The following ZNF420 variants were observed in gnomAD, a reference collection of about 807,000 sequenced individuals.
ZNF420 encodes the protein ATM and p53-associated KZNF protein.
ZNF420 carries 31 observed loss-of-function variants against 44.7 expected under a neutral mutation model. The ratio of observed to expected loss-of-function variants is 0.69; its 90% CI spans 0.52 to 0.94. The LOEUF (loss-of-function observed/expected upper bound fraction) is 0.94, where lower values mean the gene tolerates loss of function less well. ZNF420 is among the 40% of genes least tolerant of loss of function. ZNF420 has a pLI of 0.00. For synonymous variants in ZNF420, 245 were observed against 267.4 expected (o/e 0.92, Z 0.82); for missense variants, 681 against 827.9 (o/e 0.82, Z 2.18).
intron 1 of ZNF420, among the ~76,000 whole-genome samples, chr19:37,012,768 G>A (rs1274558587): frequency 5.5e-5 from 1 of 18,310 alleles, no homozygotes; most frequent in Non-Finnish European, 1.2e-4. Context: ...ATATGTCTCT[G>A]TGTGTGTGTG....
chr19:37,025,289 C>T (rs1967133713), intron 1 of ZNF420: 1 of 245,878 alleles, frequency 4.1e-6, no homozygotes, highest in Admixed American at 4.2e-5. Context: ...TCCTTGTTTT[C>T]TGTAACATCT....
chr19:37,101,160 GT>G (rs1378365595), intron 4 of ZNF420, among the ~76,000 whole-genome samples: 1 of 152,042 alleles, frequency 6.6e-6, no homozygotes, highest in Non-Finnish European at 1.5e-5. Flanking sequence ...TGTTCTTGAT[GT>G]TTATGGACAC....
intron 1 of ZNF420, among the ~76,000 whole-genome samples, chr19:37,059,279 T>C (rs1193451559): frequency 6.6e-6 from 1 of 152,078 alleles, no homozygotes; most frequent in Non-Finnish European, 1.5e-5. Flanking sequence ...AGCAGGAGCT[T>C]CCCTGCCTTA....
At chr19:37,032,543 C>T (rs1434676617) in intron 1 of ZNF420, among the ~76,000 whole-genome samples, 2 of 148,394 alleles carry the variant, frequency 1.3e-5, no homozygotes, top group South Asian at 2.1e-4. Context: ...CCGTGGCTAA[C>T]GCCAGTAATC....
At chr19:37,012,199 GTCGCCTCTC>G (rs900319933) in intron 1 of ZNF420, among the ~76,000 whole-genome samples, 4 of 152,200 alleles carry the variant, frequency 2.6e-5, no homozygotes, top group Non-Finnish European at 5.9e-5. Context: ...GGCGCCCGCA[GTCGCCTCTC>G]TCAACGAAGC....
intron 1 of ZNF420, among the ~76,000 whole-genome samples, chr19:37,031,093 G>T (rs1240873813): frequency 6.6e-6 from 1 of 152,048 alleles, no homozygotes; most frequent in African/African-American, 2.4e-5. Context: ...GACCTCAGGT[G>T]ATCCACCCAC....
At chr19:37,111,775 C>T (rs1323465290) in intron 4 of ZNF420, 1 of 152,050 alleles carries the variant, frequency 6.6e-6, no homozygotes, top group Non-Finnish European at 1.5e-5. Flanking sequence ...ATAGTAAAGG[C>T]AAATTTTTCA....
At chr19:37,077,308 T>C (rs1240391600), upstream of ZNF420, among the ~76,000 whole-genome samples, 2 of 152,182 alleles carry the variant, frequency 1.3e-5, no homozygotes, top group African/African-American at 4.8e-5. Context: ...AATTCACTCT[T>C]CTTATGTATA....
Position 37,101,356 on chromosome 19 carries a change from A to G in ZNF420, c.136+10235A>G, listed in dbSNP as rs145576156. On this transcript the variant is annotated intron_variant, in intron 4 of 4. Transcript: ENST00000337995. ...CTAAAAATACAAAAATTAGCTGGCC[A>G]TGGTGGTGTGTGCCTGTAGTCCCAG... Among the ~76,000 whole-genome samples the G allele has an allele frequency of 2.4e-3, 368 of 152,226 alleles. 3 individuals are homozygous for G. The highest frequency in any genetic ancestry group is 8.5e-3 in the African/African-American group (355 of 41,544).
chr19:37,076,032 G>C (rs893406209), upstream of ZNF420, among the ~76,000 whole-genome samples: 1 of 151,864 alleles, frequency 6.6e-6, no homozygotes, highest in Non-Finnish European at 1.5e-5. Context: ...GTACCTCTTT[G>C]TGAATCTGAA....
At chr19:37,062,219 AAG>A (rs748952068) in intron 1 of ZNF420, among the ~76,000 whole-genome samples, 4 of 152,216 alleles carry the variant, frequency 2.6e-5, no homozygotes, top group Non-Finnish European at 5.9e-5. Context: ...GCAGTAAAGA[AAG>A]AACTGTGTAA....
At chr19:37,050,450 C>A (rs990100768) in intron 1 of ZNF420, among the ~76,000 whole-genome samples, 1 of 151,986 alleles carries the variant, frequency 6.6e-6, no homozygotes, top group Non-Finnish European at 1.5e-5. Flanking sequence ...TAAGTTGGAT[C>A]CCTAGATATT....
intron 1 of ZNF420, among the ~76,000 whole-genome samples, chr19:37,018,004 T>C (rs1412157134): frequency 6.6e-6 from 1 of 152,090 alleles, no homozygotes; most frequent in Non-Finnish European, 1.5e-5. Flanking sequence ...AAAGTTTCAT[T>C]TCTATACAAT....
intron 1 of ZNF420, among the ~76,000 whole-genome samples, chr19:37,058,837 C>G (rs1967808488): frequency 6.6e-6 from 1 of 152,186 alleles, no homozygotes; most frequent in African/African-American, 2.4e-5. Context: ...CTCGGACTCG[C>G]CCTATCCCTG....
intron 1 of ZNF420, among the ~76,000 whole-genome samples, chr19:37,017,096 T>C (rs964455014): frequency 6.6e-6 from 1 of 152,190 alleles, no homozygotes; most frequent in Non-Finnish European, 1.5e-5. Context: ...TCCTTTATTG[T>C]ATAATAAACT....
intron 4 of ZNF420, 123 bp from the exon 5 acceptor site, chr19:37,127,005 A>G: frequency 5.1e-6 from 4 of 776,958 alleles, no homozygotes; most frequent in Non-Finnish European, 5.7e-6. Flanking sequence ...ATATGTCATA[A>G]TAATCAATAT....
chr19:37,084,254 T>G (rs1189990693), intron 2 of ZNF420, among the ~76,000 whole-genome samples: 1 of 152,222 alleles, frequency 6.6e-6, no homozygotes, highest in African/African-American at 2.4e-5. Context: ...ATGACTGTAT[T>G]TTAAAGTTCC....
At chr19:37,019,499 G>T (rs2074630856) in intron 1 of ZNF420, among the ~76,000 whole-genome samples, 2 of 152,164 alleles carry the variant, frequency 1.3e-5, no homozygotes, top group South Asian at 4.1e-4. Context: ...TGGAGGCCAG[G>T]CGTGGTGGCT....
intron 1 of ZNF420, among the ~76,000 whole-genome samples, chr19:37,037,424 G>A (rs1463836954): frequency 6.6e-6 from 1 of 152,196 alleles, no homozygotes; most frequent in Admixed American, 6.5e-5. Flanking sequence ...GCCACCATGG[G>A]GAGTTCCATG....
Sources: gnomAD v4.1 joint callset for allele counts (sites outside exome capture counted in the v4.1 genomes callset) on GRCh38, gnomAD v4.1.1 for gene constraint, MANE v1.5 for transcripts, NCBI Gene and HGNC (gene_info 2026-07-23, HGNC 2026-07-21) for gene names.